The following PKIA variants were observed in gnomAD, a reference collection of about 807,000 sequenced individuals.
PKIA encodes the protein cAMP-dependent protein kinase inhibitor alpha.
PKIA carries 4 observed loss-of-function variants against 7.6 expected under a neutral mutation model. The ratio of observed to expected loss-of-function variants is 0.52; its 90% CI spans 0.26 to 1.20. The LOEUF is 1.20. Ranked by LOEUF, PKIA falls within the 50% of genes most tolerant of loss-of-function variation. The probability of loss-of-function intolerance (pLI) is 0.13; values close to 1 mark genes in which losing one functional copy is unlikely to be tolerated. For synonymous variants in PKIA, 21 were observed against 30.7 expected, an observed-to-expected ratio of 0.68 and a Z score of 1.04; for missense variants, 73 against 86.2, an observed-to-expected ratio of 0.85 and a Z score of 0.61.
Position 78,598,370 on chromosome 8 carries a change from G to A in PKIA, c.-15G>A. 6.2e-7 allele frequency: 1 copy of A among 1,601,754 alleles called. No homozygotes were observed. Among genetic ancestry groups the A allele is most frequent in the Non-Finnish European group, 8.5e-7 (1 of 1,171,352 alleles). Reference sequence around the variant, plus strand: ...CTTTCTTTTGTAGTCCCTGCTATGTGGATATTTGGTAGCAATGACTGATGT... The same window carrying A: ...CTTTCTTTTGTAGTCCCTGCTATGTAGATATTTGGTAGCAATGACTGATGT... On this transcript the variant is annotated 5_prime_UTR_variant, in exon 3 of 4. An upstream open reading frame in the 5' UTR gains an earlier in-frame stop. Coordinates refer to ENST00000396418, the MANE Select transcript of PKIA (RefSeq NM_006823.4).
At chr8:78,565,473 T>A (rs373441905) in intron 1 of PKIA, among the ~76,000 whole-genome samples, 24 of 152,090 alleles carry the variant, frequency 1.6e-4, no homozygotes, top group African/African-American at 5.3e-4. Context: ...AGTGTAAAAT[T>A]TGGACTCAAC....
rs187399089 is a variant in PKIA, at chr8:78,574,648, G to A, written c.-28+1709G>A. Among the ~76,000 whole-genome samples the A allele has an allele frequency of 1.7e-3, 259 of 151,886 alleles. 2 individuals are homozygous for A. Among genetic ancestry groups the A allele is most frequent in the African/African-American group, 6.0e-3 (250 of 41,480 alleles). On this transcript the variant is annotated intron_variant, in intron 2 of 3. Transcript: ENST00000396418. ...CACTGAAACTGGTTTCAAAATAAGA[G>A]GACATTTACTCATATTTGATTATTT...
chr8:78,580,888 G>A (rs991870080), intron 2 of PKIA, among the ~76,000 whole-genome samples: 2 of 151,996 alleles, frequency 1.3e-5, no homozygotes, highest in Admixed American at 6.6e-5. Flanking sequence ...AGCAAATATA[G>A]AATTAAACAT....
intron 2 of PKIA, among the ~76,000 whole-genome samples, chr8:78,575,606 G>T (rs923256557): frequency 6.6e-6 from 1 of 151,928 alleles, no homozygotes; most frequent in African/African-American, 2.4e-5. Context: ...TATTATACAC[G>T]TGCAAGATTT....
chr8:78,526,574 T>C (rs565092604), intron 1 of PKIA, among the ~76,000 whole-genome samples: 30 of 152,170 alleles, frequency 2.0e-4, no homozygotes, highest in African/African-American at 6.7e-4. Flanking sequence ...TGGAGAAGTT[T>C]CATATTATTA....
At chr8:78,562,362 T>C (rs1163630543) in intron 1 of PKIA, among the ~76,000 whole-genome samples, 1 of 152,166 alleles carries the variant, frequency 6.6e-6, no homozygotes, top group East Asian at 1.9e-4. Flanking sequence ...TATAGGAGAC[T>C]CAACAGTCAA....
chr8:78,571,942 T>C (rs1327953550), intron 1 of PKIA, among the ~76,000 whole-genome samples: 1 of 152,040 alleles, frequency 6.6e-6, no homozygotes, highest in Non-Finnish European at 1.5e-5. Context: ...AAAAGGTATA[T>C]GAGAATGGCC....
intron 3 of PKIA, among the ~76,000 whole-genome samples, chr8:78,598,811 TA>T (rs1225760052): frequency 6.6e-6 from 1 of 152,094 alleles, no homozygotes; most frequent in Non-Finnish European, 1.5e-5. Flanking sequence ...TTTTAAATCC[TA>T]ATTTCTATAA....
At chr8:78,587,079 A>T (rs1807965900) in intron 2 of PKIA, among the ~76,000 whole-genome samples, 1 of 152,130 alleles carries the variant, frequency 6.6e-6, no homozygotes, top group South Asian at 2.1e-4. Context: ...GCTTGATTGG[A>T]TCCTTTTTTT....
At chr8:78,582,898 C>T (rs899789715) in intron 2 of PKIA, among the ~76,000 whole-genome samples, 1 of 152,106 alleles carries the variant, frequency 6.6e-6, no homozygotes, top group Non-Finnish European at 1.5e-5. Context: ...CCATGTCAGG[C>T]CATGTAACAA....
rs1554584766 is a variant in PKIA at position 78,602,713 on chromosome 8, A to ATATT, written c.*893_*894insATTT. 2.7e-5 allele frequency: 4 copies of ATATT among 147,874 alleles called. No homozygotes were observed. The highest frequency in any genetic ancestry group is 1.0e-4 in the African/African-American group (4 of 39,938). The allele number at this position is 147,874 out of a possible 1,614,324, so 9.2% of individuals were successfully genotyped here. A position where few individuals can be genotyped will look rare whatever the true frequency, so the allele number is the denominator to read the frequency against. ...CCACATAATATATATATATATATATATTTTAATTTATGAGAATTTTGGACA... is the reference window on the plus strand; with the variant it reads ...CCACATAATATATATATATATATATATATTTTTTAATTTATGAGAATTTTGGACA... On this transcript the variant is annotated 3_prime_UTR_variant, in exon 4 of 4. Coordinates refer to ENST00000396418, the MANE Select transcript of PKIA (RefSeq NM_006823.4).
chr8:78,554,154 T>C (rs1807067668), intron 1 of PKIA, among the ~76,000 whole-genome samples: 1 of 151,960 alleles, frequency 6.6e-6, no homozygotes. Context: ...CCATACTGGG[T>C]TCTTCATGCC....
chr8:78,578,174 A>G (rs1159473322), intron 2 of PKIA, among the ~76,000 whole-genome samples: 1 of 152,026 alleles, frequency 6.6e-6, no homozygotes, highest in Non-Finnish European at 1.5e-5. Flanking sequence ...CATAAAAATG[A>G]ACCATGTGAA....
intron 1 of PKIA, among the ~76,000 whole-genome samples, chr8:78,572,539 ACG>A (rs35733862): frequency 0.13 from 17,909 of 141,798 alleles, 1,184 homozygotes; most frequent in African/African-American, 0.2. Flanking sequence ...AAAAAGCTGC[ACG>A]CACACACACA....
chr8:78,583,069 T>C (rs764214020), intron 2 of PKIA, among the ~76,000 whole-genome samples: 7 of 152,158 alleles, frequency 4.6e-5, no homozygotes, highest in African/African-American at 9.7e-5. Flanking sequence ...TGGTTATAAA[T>C]AGCAGCAAGA....
chr8:78,589,617 T>G (rs1808043754), intron 2 of PKIA, among the ~76,000 whole-genome samples: 8 of 152,152 alleles, frequency 5.3e-5, no homozygotes. Context: ...AGGGAACTGC[T>G]GGAACTTTTG....
At position 78,601,771 on chromosome 8, in the gene PKIA, A is replaced by G. The variant is rs954672124; in HGVS notation, c.181A>G (p.Thr61Ala). 2 of 1,612,370 alleles carry G rather than the reference A, an allele frequency of 1.2e-6. No individual in the cohort carries two copies. Among genetic ancestry groups the G allele is most frequent in the African/African-American group, 1.3e-5 (1 of 74,802 alleles). The change falls in exon 4 of 4, where the codon ACA (threonine) becomes GCA (alanine). Residue 61 changes from threonine to alanine, a missense_variant. Thr to Ala is a moderately conservative substitution (Grantham distance 58). Coordinates refer to ENST00000396418, the MANE Select transcript of PKIA (RefSeq NM_006823.4). The part of the protein sequence containing the change: ...EGEEDAQRSS[T>A]EQSGEAQGEA... ...TGAAGAAGATGCACAACGAAGTTCT[A>G]CAGAACAAAGTGGGGAAGCCCAGGG...
At chr8:78,544,007 T>C (rs553093184) in intron 1 of PKIA, among the ~76,000 whole-genome samples, 1 of 152,306 alleles carries the variant, frequency 6.6e-6, no homozygotes, top group Non-Finnish European at 1.5e-5. Flanking sequence ...GTGGCACTTT[T>C]CATGCTATTA....
intron 1 of PKIA, among the ~76,000 whole-genome samples, chr8:78,544,194 A>C (rs1002841377): frequency 1.3e-5 from 2 of 152,178 alleles, no homozygotes; most frequent in African/African-American, 4.8e-5. Context: ...AAGTGCCTTC[A>C]TGTTTTTGCT....
Sources: gnomAD v4.1 joint callset for allele counts (sites outside exome capture counted in the v4.1 genomes callset) on GRCh38, gnomAD v4.1.1 for gene constraint, MANE v1.5 for transcripts, NCBI Gene and HGNC (gene_info 2026-07-23, HGNC 2026-07-21) for gene names.